GPC3: variants seen among roughly 807,000 people sequenced by gnomAD.
GPC3 encodes the protein glypican 3.
A neutral mutation model predicts 34.4 loss-of-function variants in GPC3; 3 were observed. The ratio of observed to expected loss-of-function variants is 0.09; its 90% CI spans 0.04 to 0.23. The LOEUF is 0.23. Among genes scored for constraint, GPC3 ranks in the 10% least tolerant of loss-of-function variants. The pLI is 1.00. For synonymous variants in GPC3, 177 were observed against 174.0 expected (o/e 1.02, Z -0.13); for missense variants, 351 against 445.6 (o/e 0.79, Z 1.91).
intron 2 of GPC3, among the ~76,000 whole-genome samples, chrX:133,907,293 T>TAAGTCCCTTCATATAAACTGGA (rs2124604053): frequency 9.0e-6 from 1 of 111,484 alleles, no homozygotes; most frequent in East Asian, 2.8e-4. Context: ...CACAATTTCA[T>TAAGTCCCTTCATATAAACTGGA]AAGTCCCTTC....
intron 1 of GPC3, among the ~76,000 whole-genome samples, chrX:133,984,756 A>C (rs1179239366): frequency 9.2e-6 from 1 of 108,795 alleles, no homozygotes; most frequent in African/African-American, 3.4e-5. Context: ...CAGACTCAGA[A>C]ATCTGTCCTC....
chrX:133,876,770 C>T (rs1209275072), intron 2 of GPC3, among the ~76,000 whole-genome samples: 1 of 112,020 alleles, frequency 8.9e-6, no homozygotes, highest in Non-Finnish European at 1.9e-5. Context: ...TGTTTTACTT[C>T]CCACACTTGG....
At chrX:133,735,569 A>C (rs2071502970) in intron 3 of GPC3, among the ~76,000 whole-genome samples, 2 of 111,985 alleles carry the variant, frequency 1.8e-5, no homozygotes, top group Admixed American at 9.5e-5. Context: ...CTTAGATATG[A>C]CACATAAAGA....
At chrX:133,724,414 C>T (rs1016345985) in intron 3 of GPC3, among the ~76,000 whole-genome samples, 2 of 112,204 alleles carry the variant, frequency 1.8e-5, no homozygotes, top group African/African-American at 6.5e-5. Flanking sequence ...GTGATACCTA[C>T]ATTATAAGAA....
chrX:133,984,322 T>C (rs2076556014), intron 1 of GPC3, among the ~76,000 whole-genome samples: 1 of 113,328 alleles, frequency 8.8e-6, no homozygotes, highest in South Asian at 3.6e-4. Flanking sequence ...TTGTCCGCAT[T>C]GTCAGTGTAG....
At chrX:133,979,438 A>C (rs1430637318) in intron 1 of GPC3, among the ~76,000 whole-genome samples, 1 of 112,012 alleles carries the variant, frequency 8.9e-6, no homozygotes, top group African/African-American at 3.2e-5. Flanking sequence ...TAAATTGCAA[A>C]CAAGTATTTC....
chrX:133,592,323 G>A (rs907125416), intron 7 of GPC3, among the ~76,000 whole-genome samples: 4 of 76,415 alleles, frequency 5.2e-5, no homozygotes, highest in Non-Finnish European at 6.9e-5. Context: ...GATATTCCCC[G>A]CCCTGTGTCC....
At chrX:133,734,561 A>C (rs1296746449) in intron 3 of GPC3, among the ~76,000 whole-genome samples, 1 of 110,275 alleles carries the variant, frequency 9.1e-6, no homozygotes, top group East Asian at 2.8e-4. Context: ...AAGGAAAAGG[A>C]AAGAAGAAAA....
intron 2 of GPC3, among the ~76,000 whole-genome samples, 154 bp downstream of exon 2, chrX:133,952,896 G>GT (rs1288307161): frequency 1.8e-5 from 2 of 112,124 alleles, no homozygotes; most frequent in Admixed American, 9.4e-5. Context: ...CTGAAAATGT[G>GT]TTTTTTTAAA....
At chrX:133,752,734 G>A (rs2071678222) in intron 3 of GPC3, among the ~76,000 whole-genome samples, 1 of 112,177 alleles carries the variant, frequency 8.9e-6, no homozygotes, top group Non-Finnish European at 1.9e-5. Context: ...GACTTAGACT[G>A]ATATAATCAA....
At chrX:133,906,061 G>A (rs984426721) in intron 2 of GPC3, among the ~76,000 whole-genome samples, 2 of 111,995 alleles carry the variant, frequency 1.8e-5, no homozygotes, top group Non-Finnish European at 3.8e-5. Flanking sequence ...AACCTAGATT[G>A]TCTCCACACA....
intron 7 of GPC3, among the ~76,000 whole-genome samples, chrX:133,572,366 A>G (rs2069641181): frequency 9.0e-6 from 1 of 111,702 alleles, no homozygotes; most frequent in Non-Finnish European, 1.9e-5. Flanking sequence ...ATTTATGGCT[A>G]TGATCACCTA....
At chrX:133,839,229 A>G (rs1403214069) in intron 2 of GPC3, among the ~76,000 whole-genome samples, 1 of 111,820 alleles carries the variant, frequency 8.9e-6, no homozygotes, top group Admixed American at 9.5e-5. Context: ...AGAACCTCTT[A>G]GTGTTTTTCA....
At chrX:133,621,152 G>A (rs2070228059) in intron 6 of GPC3, among the ~76,000 whole-genome samples, 1 of 111,058 alleles carries the variant, frequency 9.0e-6, no homozygotes, top group African/African-American at 3.3e-5. Flanking sequence ...AGCACAAGAA[G>A]AAGCACTGGG....
intron 5 of GPC3, among the ~76,000 whole-genome samples, chrX:133,690,534 A>G (rs1197251702): frequency 1.8e-5 from 2 of 111,641 alleles, no homozygotes; most frequent in Non-Finnish European, 3.8e-5. Context: ...TATACTGTTA[A>G]TAAATTCCAT....
intron 1 of GPC3, among the ~76,000 whole-genome samples, chrX:133,984,524 A>C (rs1273592906): frequency 1.8e-5 from 2 of 111,401 alleles, no homozygotes; most frequent in African/African-American, 6.5e-5. Flanking sequence ...ACCTGAAATC[A>C]TCTCCCCTTT....
intron 6 of GPC3, among the ~76,000 whole-genome samples, chrX:133,615,133 C>T (rs1416468588): frequency 2.7e-5 from 3 of 111,926 alleles, no homozygotes; most frequent in Non-Finnish European, 5.6e-5. Flanking sequence ...ATAATTAACA[C>T]CAATCCTCCA....
intron 3 of GPC3, among the ~76,000 whole-genome samples, chrX:133,729,195 T>C (rs1276407334): frequency 2.7e-5 from 3 of 111,086 alleles, no homozygotes; most frequent in Admixed American, 9.6e-5. Flanking sequence ...CCAGGATCAA[T>C]GTTAGGTCTC....
intron 2 of GPC3, among the ~76,000 whole-genome samples, chrX:133,951,047 AGTGTGTGTGTGTGTGTGT>A (rs373690687): frequency 5.2e-5 from 4 of 76,699 alleles, no homozygotes; most frequent in East Asian, 4.5e-4. Flanking sequence ...AATTCAAGAA[AGTGTGTGTGTGTGTGTGT>A]GTGTGTGTGT....
Sources: allele counts gnomAD v4.1 joint callset (sites outside exome capture counted in the v4.1 genomes callset), GRCh38; gene constraint gnomAD v4.1.1; transcripts MANE v1.5; gene names NCBI Gene and HGNC (gene_info 2026-07-23, HGNC 2026-07-21).